The following DACH2 variants were observed in gnomAD, a reference collection of about 807,000 sequenced individuals.
DACH2 encodes dachshund family transcription factor 2.
In DACH2, 17 loss-of-function variants were observed where a neutral mutation model predicts 35.8. The observed-to-expected ratio is 0.48, with a 90% CI of 0.33 to 0.71. DACH2 has a LOEUF of 0.71. Among genes scored for constraint, DACH2 ranks in the 30% least tolerant of loss-of-function variants. The pLI, the probability that DACH2 is intolerant of heterozygous loss-of-function variation, is 0.02. For missense variants in DACH2, 469 were observed against 472.7 expected (o/e 0.99, Z 0.07); for synonymous variants, 195 against 177.3 (o/e 1.10, Z -0.79).
At chrX:86,411,377 G>T (rs1602490963) in intron 2 of DACH2, among the ~76,000 whole-genome samples, 1 of 109,966 alleles carries the variant, frequency 9.1e-6, no homozygotes, top group African/African-American at 3.3e-5. Context: ...CACACCCAGG[G>T]TCAATACTTT....
chrX:86,400,689 C>A (rs1217233438), intron 2 of DACH2, among the ~76,000 whole-genome samples: 1 of 111,832 alleles, frequency 8.9e-6, no homozygotes, highest in African/African-American at 3.3e-5. Flanking sequence ...TTCTGCAGAA[C>A]AGCGGATATT....
At chrX:86,215,558 A>C (rs1355071573) in intron 1 of DACH2, among the ~76,000 whole-genome samples, 1 of 110,733 alleles carries the variant, frequency 9.0e-6, no homozygotes, top group African/African-American at 3.3e-5. Flanking sequence ...TAAAAAGGAA[A>C]CCTTTCATTC....
In DACH2 at chrX:86,730,156, A is replaced by C. The variant is rs552731667; in HGVS notation, c.1105-9591A>C. Among the ~76,000 whole-genome samples, 123 of 111,357 alleles carry C rather than the reference A, an allele frequency of 1.1e-3. 3 individuals are homozygous for C. In the South Asian group the frequency reaches 0.042, roughly 38 times the overall value. On this transcript the variant is annotated intron_variant, in intron 6 of 11. Transcript: ENST00000373125. ...TGTCACTGATGATCATAACACTTTG[A>C]TCACTAATTCCACTGGAAAGTAGTC...
intron 1 of DACH2, among the ~76,000 whole-genome samples, chrX:86,195,578 G>A (rs1375619327): frequency 9.0e-6 from 1 of 111,207 alleles, no homozygotes; most frequent in East Asian, 2.9e-4. Flanking sequence ...CCCTGCCACA[G>A]CCAATGAGCA....
chrX:86,792,969 G>A (rs776516508), intron 7 of DACH2, among the ~76,000 whole-genome samples: 109 of 111,413 alleles, frequency 9.8e-4, no homozygotes, highest in African/African-American at 3.2e-3. Context: ...CATAGTGACT[G>A]TACTAATTTA....
intron 3 of DACH2, among the ~76,000 whole-genome samples, chrX:86,532,847 G>T (rs2038742738): frequency 9.0e-6 from 1 of 110,574 alleles, no homozygotes; most frequent in Non-Finnish European, 1.9e-5. Context: ...TATCCTATTT[G>T]AGATAGAACC....
chrX:86,317,547 T>C (rs1028703024), intron 1 of DACH2, among the ~76,000 whole-genome samples: 1 of 112,453 alleles, frequency 8.9e-6, no homozygotes, highest in Non-Finnish European at 1.9e-5. Context: ...TTTTAAAAGA[T>C]AATTTTTCTC....
chrX:86,567,716 G>C (rs1034124228), intron 3 of DACH2, among the ~76,000 whole-genome samples: 1 of 111,572 alleles, frequency 9.0e-6, no homozygotes, highest in African/African-American at 3.2e-5. Context: ...CACAGTATTT[G>C]TAGTAGACGA....
At chrX:86,180,202 A>ATATATATATATATATATATATATATT (rs1338071562) in intron 1 of DACH2, among the ~76,000 whole-genome samples, 8 of 89,034 alleles carry the variant, frequency 9.0e-5, no homozygotes, top group African/African-American at 3.3e-4. Flanking sequence ...ATATATATAT[A>ATATATATATATATATATATATATATT]TATATGGTTC....
At chrX:86,763,476 C>T (rs771680749) in intron 7 of DACH2, among the ~76,000 whole-genome samples, 66 of 111,819 alleles carry the variant, frequency 5.9e-4, no homozygotes, top group South Asian at 4.8e-3. Context: ...TGTTTTGAGA[C>T]GGAGTCTCGC....
chrX:86,347,496 C>T (rs1389487770), intron 1 of DACH2, among the ~76,000 whole-genome samples: 1 of 112,746 alleles, frequency 8.9e-6, no homozygotes, highest in African/African-American at 3.2e-5. Context: ...CCATTCAGCT[C>T]ATTTGTAAAG....
In DACH2 at chrX:86,283,067, C is replaced by T. The variant is rs1236694205; in HGVS notation, c.489-93757C>T. ...TGCTGGGATTACAGGCGTGAGCCACCGCGCCCGGCCCGACACTTCTTAAAA... is the reference window on the plus strand; with the variant it reads ...TGCTGGGATTACAGGCGTGAGCCACTGCGCCCGGCCCGACACTTCTTAAAA... On this transcript the variant is annotated intron_variant, in intron 1 of 11. Transcript: ENST00000373125. 1.0e-4 allele frequency among the ~76,000 whole-genome samples: 2 copies of T among 19,862 alleles called. 1 individual carries two copies. The highest frequency in any genetic ancestry group is 1.6e-4 in the Non-Finnish European group (2 of 12,680). The allele number at this position is 19,862 out of a possible 115,157, so 17.2% of individuals were successfully genotyped here.
At chrX:86,653,430 C>G (rs1408623958) in intron 4 of DACH2, among the ~76,000 whole-genome samples, 1 of 111,089 alleles carries the variant, frequency 9.0e-6, no homozygotes, top group African/African-American at 3.3e-5. Flanking sequence ...ACTCCCCATT[C>G]CCAGTCTTGC....
At chrX:86,465,168 A>C (rs1404394412) in intron 2 of DACH2, among the ~76,000 whole-genome samples, 1 of 112,186 alleles carries the variant, frequency 8.9e-6, no homozygotes, top group African/African-American at 3.2e-5. Flanking sequence ...ATTTTTGTTA[A>C]ACTTGGCACT....
intron 1 of DACH2, among the ~76,000 whole-genome samples, chrX:86,227,042 C>G (rs2032840322): frequency 9.0e-6 from 1 of 111,194 alleles, no homozygotes; most frequent in South Asian, 3.7e-4. Context: ...CCCACTCTTT[C>G]AAGATTAGTA....
chrX:86,169,656 A>G (rs1205650799), intron 1 of DACH2, among the ~76,000 whole-genome samples: 2 of 109,281 alleles, frequency 1.8e-5, no homozygotes, highest in Non-Finnish European at 3.8e-5. Context: ...TGCTTGATCG[A>G]TTGCATTTTC....
chrX:86,421,515 G>C (rs139264726), intron 2 of DACH2, among the ~76,000 whole-genome samples: 102 of 111,363 alleles, frequency 9.2e-4, no homozygotes, highest in African/African-American at 3.2e-3. Context: ...AGCAAACACG[G>C]TTTTTGGAAG....
intron 4 of DACH2, among the ~76,000 whole-genome samples, chrX:86,687,586 T>C (rs1016060410): frequency 9.0e-6 from 1 of 111,513 alleles, no homozygotes; most frequent in Non-Finnish European, 1.9e-5. Context: ...TAAAGACACA[T>C]GCAAACGTAT....
At chrX:86,453,065 T>A (rs1376285775) in intron 2 of DACH2, among the ~76,000 whole-genome samples, 3 of 111,802 alleles carry the variant, frequency 2.7e-5, no homozygotes, top group African/African-American at 9.8e-5. Flanking sequence ...TGCCTTAATT[T>A]CATTATTTAC....
Sources: gnomAD v4.1 joint callset for allele counts (sites outside exome capture counted in the v4.1 genomes callset) on GRCh38, gnomAD v4.1.1 for gene constraint, MANE v1.5 for transcripts, NCBI Gene and HGNC (gene_info 2026-07-23, HGNC 2026-07-21) for gene names.